The following ARFGEF2 variants were observed in gnomAD, a reference collection of about 807,000 sequenced individuals.
ARFGEF2 encodes ARF guanine nucleotide exchange factor 2, also known as brefeldin A-inhibited guanine nucleotide-exchange protein 2.
In ARFGEF2, 74 loss-of-function variants were observed where a neutral mutation model predicts 219.9. The observed-to-expected ratio is 0.34, with a 90% CI of 0.28 to 0.41. ARFGEF2 has a LOEUF of 0.41. ARFGEF2 is among the 10% of genes least tolerant of loss of function. ARFGEF2 has a pLI of 1.00. For synonymous variants in ARFGEF2, 733 were observed against 799.2 expected (o/e 0.92, Z 1.40); for missense variants, 1,743 against 2,218.3 (o/e 0.79, Z 4.30).
At chr20:48,990,071 C>T (rs1176617907) in intron 20 of ARFGEF2, among the ~76,000 whole-genome samples, 5 of 152,120 alleles carry the variant, frequency 3.3e-5, no homozygotes, top group East Asian at 1.9e-4. Context: ...CCCAGCTACT[C>T]GGGAGGCTGA....
At chr20:48,982,786 G>A (rs546752739) in intron 14 of ARFGEF2, among the ~76,000 whole-genome samples, 7 of 152,302 alleles carry the variant, frequency 4.6e-5, no homozygotes, top group Admixed American at 2.0e-4. Flanking sequence ...CTCCGTGGGC[G>A]TGGGACCTGC....
chr20:48,958,062 T>G (rs1386745720), intron 6 of ARFGEF2, among the ~76,000 whole-genome samples: 1 of 152,166 alleles, frequency 6.6e-6, no homozygotes, highest in East Asian at 1.9e-4. Flanking sequence ...CTACTTGCAG[T>G]GTGATTCGTT....
At chr20:48,952,938 T>C (rs1013540392) in intron 5 of ARFGEF2, 54 bp downstream of exon 5, 1 of 1,581,792 alleles carries the variant, frequency 6.3e-7, no homozygotes, top group African/African-American at 1.3e-5. Flanking sequence ...CTCTGAACTC[T>C]ATCATGTGTG....
rs1400192821 is a variant in ARFGEF2, at chr20:49,025,457, C to G, written c.4900C>G (p.Gln1634Glu). The G allele has an allele frequency of 6.2e-7, 1 of 1,614,038 alleles. No homozygotes were observed. The highest frequency in any genetic ancestry group is 8.5e-7 in the Non-Finnish European group (1 of 1,179,978). Reference sequence around the variant, plus strand: ...AAAGGCCTTCAACTCCAATTACGAGCAGCGGACTGTCCTGTGGCGAGCAGG... The same window carrying G: ...AAAGGCCTTCAACTCCAATTACGAGGAGCGGACTGTCCTGTGGCGAGCAGG... ...FSKAFNSNYEQRTVLWRAGFK... is the reference protein window; with the variant it reads ...FSKAFNSNYEERTVLWRAGFK... The change falls in exon 36 of 39, where the codon CAG (glutamine) becomes GAG (glutamate). Residue 1634 changes from glutamine to glutamate, a missense_variant. Gln to Glu is a conservative substitution (Grantham distance 29). Transcript: ENST00000371917.
intron 3 of ARFGEF2, among the ~76,000 whole-genome samples, chr20:48,950,508 A>T (rs948408537): frequency 2.0e-5 from 3 of 151,936 alleles, no homozygotes; most frequent in Admixed American, 2.0e-4. Context: ...TTAAAGTGTA[A>T]TTCAAGCCAG....
intron 12 of ARFGEF2, 79 bp downstream of exon 12, chr20:48,973,363 G>A (rs2091240372): frequency 1.3e-6 from 2 of 1,485,336 alleles, no homozygotes; most frequent in African/African-American, 2.8e-5. Context: ...CCACATGCCA[G>A]GCACTGTCCT....
chr20:49,005,751 A>AG (rs2091455119), intron 26 of ARFGEF2, among the ~76,000 whole-genome samples: 1 of 151,022 alleles, frequency 6.6e-6, no homozygotes, highest in Non-Finnish European at 1.5e-5. Flanking sequence ...AAAAAAAAAA[A>AG]AAAAAAAGAA....
chr20:48,973,735 C>T (rs1416122665), intron 12 of ARFGEF2, among the ~76,000 whole-genome samples: 2 of 152,168 alleles, frequency 1.3e-5, no homozygotes, highest in East Asian at 3.8e-4. Context: ...CTGTAGGTTT[C>T]TGAATGAACT....
chr20:48,944,176 T>C (rs906834122), intron 3 of ARFGEF2, among the ~76,000 whole-genome samples: 1 of 152,240 alleles, frequency 6.6e-6, no homozygotes, highest in Non-Finnish European at 1.5e-5. Flanking sequence ...AATTGTTAAA[T>C]GGCAGGCTTC....
intron 35 of ARFGEF2, among the ~76,000 whole-genome samples, chr20:49,023,891 C>T (rs1470526618): frequency 6.6e-6 from 1 of 152,088 alleles, no homozygotes; most frequent in Admixed American, 6.6e-5. Context: ...ATATAAAGAT[C>T]CCAGTTTTTC....
At position 49,035,873 on chromosome 20, in the gene ARFGEF2, G is replaced by A. The variant is rs969102324; in HGVS notation, c.*2674G>A. ...TTTATTTCTGATACGCATCTTTAGA[G>A]TCAAATATATCTTTTCCCTGTACTC... On this transcript the variant is annotated 3_prime_UTR_variant, in exon 39 of 39. Transcript: ENST00000371917. 3.1e-5 allele frequency: 9 copies of A among 291,142 alleles called. No individual in the cohort carries two copies. In the Admixed American group the frequency reaches 3.6e-4, roughly 12 times the overall value. The allele number at this position is 291,142 out of a possible 1,614,324, so 18.0% of individuals were successfully genotyped here.
chr20:48,931,621 A>G (rs1429224793), intron 1 of ARFGEF2, among the ~76,000 whole-genome samples: 1 of 151,358 alleles, frequency 6.6e-6, no homozygotes, highest in Non-Finnish European at 1.5e-5. Flanking sequence ...TGAGGAGGAC[A>G]TCAGAGCAGA....
intron 35 of ARFGEF2, among the ~76,000 whole-genome samples, chr20:49,024,908 A>T (rs1382962594): frequency 6.6e-6 from 1 of 152,208 alleles, no homozygotes; most frequent in Non-Finnish European, 1.5e-5. Flanking sequence ...AGGCAGGAGA[A>T]TCACTTGAAC....
Position 49,011,997 on chromosome 20 carries a change from C to G in ARFGEF2, c.3831C>G (p.Phe1277Leu), listed in dbSNP as rs2091502288. Residue 1277 changes from phenylalanine to leucine, a missense_variant, in exon 28 of 39, where the codon TTC becomes TTG. By Grantham distance (22) the Phe-to-Leu change is conservative. This residue lies in a region of ARFGEF2 where 578 missense variants were observed against 664.0 expected (regional missense o/e 0.87). Coordinates refer to ENST00000371917, the MANE Select transcript of ARFGEF2 (RefSeq NM_006420.3). ...FQDAVKCLSE[F>L]ACNAAFPDTS... ...ATGCTGTGAAGTGCTTATCAGAGTT[C>G]GCCTGCAACGCCGCTTTCCCTGACA... 1 of 1,614,100 alleles carries G rather than the reference C, an allele frequency of 6.2e-7. No homozygotes were observed. The highest frequency in any genetic ancestry group is 8.5e-7 in the Non-Finnish European group (1 of 1,180,062).
chr20:48,936,513 G>A lies in ARFGEF2; in HGVS notation c.122-4686G>A, dbSNP rs1335052315. 4.6e-5 allele frequency among the ~76,000 whole-genome samples: 7 copies of A among 152,088 alleles called. No homozygotes were observed. In the East Asian group the frequency reaches 9.8e-4, roughly 21 times the overall value. On this transcript the variant is annotated intron_variant, in intron 1 of 38. Transcript: ENST00000371917. ...TCGGACGGGGCGGTTGCCGGGCAGA[G>A]GGTCTCCTCACTTCTCTCTTTTTTT...
At position 48,922,119 on chromosome 20, in the gene ARFGEF2, C is replaced by G. The variant is rs192955390; in HGVS notation, c.121+109C>G. 4.8e-6 allele frequency: 7 copies of G among 1,458,410 alleles called. No homozygotes were observed. In the East Asian group the frequency reaches 1.3e-4, roughly 27 times the overall value. 90.3% of individuals were successfully genotyped at this position (1,458,410 alleles called of 1,614,324 possible). On this transcript the variant is annotated intron_variant, in intron 1 of 38. Transcript: ENST00000371917. ...CCTGGCCTCCGCTTCCCCCCGATCCCGAATTCCACCCTTCCGGCCTCCTCC... is the reference window on the plus strand; with the variant it reads ...CCTGGCCTCCGCTTCCCCCCGATCCGGAATTCCACCCTTCCGGCCTCCTCC...
At chr20:49,026,151 A>G (rs997764550) in intron 36 of ARFGEF2, among the ~76,000 whole-genome samples, 3 of 152,168 alleles carry the variant, frequency 2.0e-5, no homozygotes, top group African/African-American at 7.2e-5. Flanking sequence ...CCTGGGCAAC[A>G]TAGCAAAACC....
intron 11 of ARFGEF2, among the ~76,000 whole-genome samples, chr20:48,972,663 C>T (rs958505633): frequency 6.6e-6 from 1 of 152,174 alleles, no homozygotes; most frequent in South Asian, 2.1e-4. Flanking sequence ...CCCCTAATCT[C>T]GTCAAACTGG....
At chr20:49,019,049 C>G in intron 34 of ARFGEF2, 51 bp downstream of exon 34, 1 of 1,449,374 alleles carries the variant, frequency 6.9e-7, no homozygotes, top group Non-Finnish European at 9.6e-7. Context: ...TTATGTGATT[C>G]ATATATTCAG....
Sources: gnomAD v4.1 joint callset for allele counts (sites outside exome capture counted in the v4.1 genomes callset) on GRCh38, gnomAD v4.1.1 for gene constraint, gnomAD v4.1.1 regional missense constraint, MANE v1.5 for transcripts, NCBI Gene and HGNC (gene_info 2026-07-23, HGNC 2026-07-21) for gene names.